ZDHHC11B: variants seen among roughly 807,000 people sequenced by gnomAD.
The protein encoded by ZDHHC11B is zDHHC palmitoyltransferase 11B (putative).
A neutral mutation model predicts 42.3 loss-of-function variants in ZDHHC11B; 17 were observed. The observed-to-expected ratio is 0.40, with a 90% CI of 0.27 to 0.60. The LOEUF is 0.60. Ranked by LOEUF, ZDHHC11B falls within the 20% of genes least tolerant of loss-of-function variation. The pLI is 0.41. For missense variants in ZDHHC11B, 262 were observed against 463.2 expected (o/e 0.57, Z 3.99); for synonymous variants, 123 against 193.5 (o/e 0.64, Z 3.02).
chr5:718,173 G>A (rs1741899027), intron 12 of ZDHHC11B, among the ~76,000 whole-genome samples: 1 of 151,856 alleles, frequency 6.6e-6, no homozygotes, highest in African/African-American at 2.4e-5. Flanking sequence ...TGGTGGGGAA[G>A]AATGTAGATA....
At chr5:777,618 C>T (rs1736633315) in intron 1 of ZDHHC11B, among the ~76,000 whole-genome samples, 2 of 151,954 alleles carry the variant, frequency 1.3e-5, no homozygotes, top group African/African-American at 4.8e-5. Context: ...TGCTGATTGG[C>T]CCATTGTACA....
intron 12 of ZDHHC11B, among the ~76,000 whole-genome samples, chr5:719,402 A>C (rs375553427): frequency 2.4e-4 from 37 of 151,824 alleles, no homozygotes; most frequent in African/African-American, 7.8e-4. Context: ...CAGTAAACTA[A>C]AGGAAGTCAC....
At chr5:724,045 G>C (rs1453982906) in intron 12 of ZDHHC11B, among the ~76,000 whole-genome samples, 2 of 150,400 alleles carry the variant, frequency 1.3e-5, no homozygotes, top group Non-Finnish European at 3.0e-5. Context: ...TAGCTCCTCT[G>C]CTCTGCCTGA....
intron 12 of ZDHHC11B, among the ~76,000 whole-genome samples, chr5:717,162 T>A (rs1741813475): frequency 6.6e-6 from 1 of 151,264 alleles, no homozygotes; most frequent in South Asian, 2.1e-4. Flanking sequence ...TTGTTTGGAT[T>A]TCCAGCATGA....
chr5:773,738 C>T (rs1418643170), intron 1 of ZDHHC11B, among the ~76,000 whole-genome samples: 1 of 151,824 alleles, frequency 6.6e-6, no homozygotes, highest in African/African-American at 2.4e-5. Flanking sequence ...TGGGGCCTGG[C>T]CAGGAACTGC....
chr5:715,930 C>T (rs1441756493), intron 13 of ZDHHC11B, among the ~76,000 whole-genome samples: 5 of 151,088 alleles, frequency 3.3e-5, no homozygotes, highest in Admixed American at 1.3e-4. Flanking sequence ...ATGTTTTGCC[C>T]GATCATAGGG....
intron 6 of ZDHHC11B, among the ~76,000 whole-genome samples, chr5:751,935 C>T (rs1298289696): frequency 3.4e-5 from 4 of 118,672 alleles, no homozygotes; most frequent in African/African-American, 8.0e-5. Context: ...GTCAGAGATG[C>T]GGTGCGACTC....
chr5:732,361 AC>A (rs757451202), intron 11 of ZDHHC11B: 3 of 250,378 alleles, frequency 1.2e-5, no homozygotes, highest in Non-Finnish European at 2.4e-5. Context: ...CTGCAGAGAC[AC>A]CGAGGGGACT....
intron 9 of ZDHHC11B, among the ~76,000 whole-genome samples, chr5:741,996 GTGTGTGGTAGTATCTGA>G (rs1744214376): frequency 7.4e-6 from 1 of 135,040 alleles, no homozygotes; most frequent in Non-Finnish European, 1.6e-5. Flanking sequence ...ATTCTCCTGG[GTGTGTGGTAGTATCTGA>G]TTGTGGTTTT....
intron 4 of ZDHHC11B, among the ~76,000 whole-genome samples, chr5:759,903 C>T (rs1442483112): frequency 1.3e-5 from 2 of 151,890 alleles, no homozygotes; most frequent in Non-Finnish European, 2.9e-5. Context: ...TGCAAAGCCA[C>T]ATGCTGCTGG....
chr5:741,130 C>A (rs1201439554), intron 10 of ZDHHC11B, among the ~76,000 whole-genome samples: 1 of 127,782 alleles, frequency 7.8e-6, no homozygotes, highest in Admixed American at 9.1e-5. Flanking sequence ...GTTTGTGAAG[C>A]CAGCCCTGGC....
At chr5:738,945 T>A (rs1455612290) in intron 10 of ZDHHC11B, among the ~76,000 whole-genome samples, 1 of 151,068 alleles carries the variant, frequency 6.6e-6, no homozygotes, top group Admixed American at 6.6e-5. Context: ...TTTATCTTAA[T>A]TTATCTTTAT....
In ZDHHC11B at chr5:748,456, G is replaced by C. The variant is rs746643869; in HGVS notation, c.732C>G (p.Asp244Glu). The C allele has an allele frequency of 3.7e-6, 5 of 1,362,482 alleles. 2 individuals carry two copies. The South Asian group carries it at 8.1e-5, about 22-fold the overall frequency. The allele number at this position is 1,362,482 out of a possible 1,614,324, so 84.4% of individuals were successfully genotyped here. The change falls in exon 8 of 14, where the codon GAC (aspartate) becomes GAG (glutamate). Residue 244 changes from aspartate (D) to glutamate (E), a missense_variant. Around this residue, in one of 5 missense-constraint regions of ZDHHC11B, gnomAD observed 57 missense variants for 103.3 expected, o/e 0.55. Transcript: ENST00000508859. ...GGCCCAGCTGCACCAAGCCAAGAAGGTCCAGCAGGAGCACGAGCATCCTGA... is the reference window on the plus strand; with the variant it reads ...GGCCCAGCTGCACCAAGCCAAGAAGCTCCAGCAGGAGCACGAGCATCCTGA... ...VIIRMLVLLL[D>E]LLGLVQLGQL...
intron 4 of ZDHHC11B, among the ~76,000 whole-genome samples, chr5:758,881 C>A (rs754108591): frequency 6.6e-6 from 1 of 151,898 alleles, no homozygotes; most frequent in East Asian, 1.9e-4. Flanking sequence ...CCCATAGGAA[C>A]GATGCTGGTG....
At chr5:753,026 G>A (rs1172100562) in intron 6 of ZDHHC11B, among the ~76,000 whole-genome samples, 3 of 126,922 alleles carry the variant, frequency 2.4e-5, no homozygotes, top group Non-Finnish European at 3.6e-5. Flanking sequence ...TTCTCCTCTT[G>A]GTTAGCACAG....
rs2001962 is a variant in ZDHHC11B, at chr5:765,595, C to T, written c.222+1103G>A. ...AGCAGGCTGCTCAAGCCAGTAGCAG[C>T]AAACTGCTTGGGTTCTCTTCCACAT... On this transcript the variant is annotated intron_variant, in intron 4 of 13. Coordinates refer to ENST00000508859, the MANE Select transcript of ZDHHC11B (RefSeq NM_001351303.2). 2.8e-3 allele frequency among the ~76,000 whole-genome samples: 420 copies of T among 151,906 alleles called. 10 individuals carry two copies. Among genetic ancestry groups the T allele is most frequent in the African/African-American group, 9.6e-3 (396 of 41,354 alleles).
intron 13 of ZDHHC11B, among the ~76,000 whole-genome samples, chr5:713,338 G>A (rs1741510385): frequency 6.6e-6 from 1 of 151,904 alleles, no homozygotes; most frequent in South Asian, 2.1e-4. Context: ...TTCCAAATCT[G>A]CTTTGTAATT....
At chr5:777,699 C>T (rs1323308705) in intron 1 of ZDHHC11B, among the ~76,000 whole-genome samples, 1 of 151,960 alleles carries the variant, frequency 6.6e-6, no homozygotes, top group Non-Finnish European at 1.5e-5. Flanking sequence ...GGTGCATTGA[C>T]AAGCCTTTAG....
intron 1 of ZDHHC11B, among the ~76,000 whole-genome samples, chr5:778,956 G>A (rs1189825963): frequency 6.6e-6 from 1 of 151,784 alleles, no homozygotes; most frequent in Admixed American, 6.6e-5. Context: ...AAGGGCTGGG[G>A]CATGAGGACA....
Sources: allele counts gnomAD v4.1 joint callset (sites outside exome capture counted in the v4.1 genomes callset), GRCh38; gene constraint gnomAD v4.1.1; regional missense constraint gnomAD v4.1.1; transcripts MANE v1.5; gene names NCBI Gene and HGNC (gene_info 2026-07-23, HGNC 2026-07-21).